MAPRE2: variants seen among roughly 807,000 people sequenced by gnomAD.
MAPRE2 encodes microtubule-associated protein RP/EB family member 2.
In MAPRE2, 13 loss-of-function variants were observed where a neutral mutation model predicts 43.2. The ratio of observed to expected loss-of-function variants is 0.30; its 90% CI spans 0.20 to 0.48. The LOEUF (loss-of-function observed/expected upper bound fraction) is 0.48, where lower values mean the gene tolerates loss of function less well. MAPRE2 is among the 20% of genes least tolerant of loss of function. The pLI, the probability that MAPRE2 is intolerant of heterozygous loss-of-function variation, is 0.99. For synonymous variants in MAPRE2, 135 were observed against 148.8 expected (o/e 0.91, Z 0.68); for missense variants, 161 against 400.2 (o/e 0.40, Z 5.10).
At chr18:35,100,915 T>G (rs976900212) in intron 3 of MAPRE2, among the ~76,000 whole-genome samples, 1 of 152,156 alleles carries the variant, frequency 6.6e-6, no homozygotes, top group African/African-American at 2.4e-5. Context: ...GGTGCATGCC[T>G]GTAATCCCAG....
intron 1 of MAPRE2, among the ~76,000 whole-genome samples, chr18:34,998,962 C>G (rs2097027991): frequency 6.6e-6 from 1 of 151,944 alleles, no homozygotes; most frequent in African/African-American, 2.4e-5. Flanking sequence ...CACATGTAAC[C>G]CTTAGTATGT....
intron 1 of MAPRE2, among the ~76,000 whole-genome samples, chr18:34,995,600 CA>C (rs1446254468): frequency 1.3e-5 from 2 of 152,038 alleles, no homozygotes; most frequent in Non-Finnish European, 2.9e-5. Context: ...AGTATGTTAC[CA>C]CTGGGGGCTA....
chr18:35,133,641 T>A (rs1603404440), intron 6 of MAPRE2, among the ~76,000 whole-genome samples: 1 of 152,340 alleles, frequency 6.6e-6, no homozygotes, highest in East Asian at 1.9e-4. Context: ...GGATCAAATC[T>A]TCTTCCCAGC....
intron 6 of MAPRE2, among the ~76,000 whole-genome samples, chr18:35,134,164 A>C (rs905888875): frequency 1.3e-5 from 2 of 152,194 alleles, no homozygotes; most frequent in Non-Finnish European, 2.9e-5. Context: ...TTAGGTAGCT[A>C]TTGTCATCCC....
chr18:35,023,371 G>A (rs767424314), intron 2 of MAPRE2, among the ~76,000 whole-genome samples: 31 of 151,842 alleles, frequency 2.0e-4, no homozygotes, highest in Non-Finnish European at 3.8e-4. Flanking sequence ...ATTTAGCCAG[G>A]TGTGGTGGCA....
chr18:35,002,405 T>C (rs2097029802), intron 1 of MAPRE2, among the ~76,000 whole-genome samples: 1 of 152,164 alleles, frequency 6.6e-6, no homozygotes, highest in Non-Finnish European at 1.5e-5. Context: ...ATAAACAAAT[T>C]TTCATTTCTC....
At chr18:34,997,586 C>T (rs558984754) in intron 1 of MAPRE2, among the ~76,000 whole-genome samples, 69 of 152,260 alleles carry the variant, frequency 4.5e-4, no homozygotes, top group Non-Finnish European at 2.9e-4. Context: ...GAGGCTGAGG[C>T]GGGCGGATCC....
At chr18:35,061,151 A>G (rs910415710) in intron 1 of MAPRE2, among the ~76,000 whole-genome samples, 6 of 152,228 alleles carry the variant, frequency 3.9e-5, no homozygotes, top group African/African-American at 1.4e-4. Flanking sequence ...TATCATTAAG[A>G]AGTGACTGAT....
At chr18:35,041,888 G>C in intron 1 of MAPRE2, 3 of 1,035,398 alleles carry the variant, frequency 2.9e-6, no homozygotes, top group African/African-American at 3.2e-5. Flanking sequence ...TGCTGCCTTC[G>C]AGGGGTCTCC....
At chr18:35,035,578 A>T (rs1464659921) in intron 2 of MAPRE2, among the ~76,000 whole-genome samples, 1 of 151,898 alleles carries the variant, frequency 6.6e-6, no homozygotes, top group African/African-American at 2.4e-5. Context: ...TTCAGTAGTT[A>T]TTGATGTGTC....
At chr18:35,072,702 T>C (rs948826463) in intron 2 of MAPRE2, among the ~76,000 whole-genome samples, 14 of 152,356 alleles carry the variant, frequency 9.2e-5, no homozygotes, top group African/African-American at 3.4e-4. Context: ...GATTCATATA[T>C]GGTGATCTTA....
intron 2 of MAPRE2, among the ~76,000 whole-genome samples, chr18:35,072,231 C>T (rs1411658148): frequency 1.3e-5 from 2 of 152,326 alleles, no homozygotes; most frequent in South Asian, 2.1e-4. Context: ...ATAACACATA[C>T]CCCTTTGTAT....
intron 1 of MAPRE2, among the ~76,000 whole-genome samples, chr18:35,069,397 A>G (rs551140568): frequency 2.3e-4 from 35 of 151,220 alleles, no homozygotes; most frequent in African/African-American, 7.8e-4. Context: ...TTTAAAAATT[A>G]TTTTTCAGAG....
chr18:35,127,369 G>T, intron 5 of MAPRE2: 4 of 343,696 alleles, frequency 1.2e-5, no homozygotes, highest in South Asian at 1.1e-4. Flanking sequence ...CCTCAGGGCC[G>T]TCAAGAGCTC....
chr18:34,985,010 TTA>T (rs1275579013), intron 1 of MAPRE2, among the ~76,000 whole-genome samples: 1 of 60,532 alleles, frequency 1.7e-5, no homozygotes, highest in African/African-American at 6.7e-5. Context: ...ATAATATATT[TTA>T]TGTTATATAA....
At position 35,141,865 on chromosome 18, in the gene MAPRE2, T is replaced by C. The variant is rs896560519; in HGVS notation, c.*1496T>C. The stretch of plus-strand genomic sequence containing the variant: ...TTCTGAATTATGTATCCTGAAGCTT[T>C]GAAATTTCTTTATTAATCGATGAAA... On this transcript the variant is annotated 3_prime_UTR_variant, in exon 7 of 7. Coordinates refer to ENST00000300249, the MANE Select transcript of MAPRE2 (RefSeq NM_014268.4). 1 of 152,242 alleles carries C rather than the reference T, an allele frequency of 6.6e-6. No homozygotes were observed. The highest frequency in any genetic ancestry group is 1.5e-5 in the Non-Finnish European group (1 of 68,048). The allele number at this position is 152,242 out of a possible 1,614,324, so 9.4% of individuals were successfully genotyped here.
Position 35,077,240 on chromosome 18 carries a change from T to C in MAPRE2, c.250+6918T>C, listed in dbSNP as rs28621987. On this transcript the variant is annotated intron_variant, in intron 2 of 6. Coordinates refer to ENST00000300249, the MANE Select transcript of MAPRE2 (RefSeq NM_014268.4). The stretch of plus-strand genomic sequence containing the variant: ...TCTCTCTCTCACAGATACGCGCGCG[T>C]GCGCGCGCGCACACACACACACACA... Among the ~76,000 whole-genome samples, 6 of 146,852 alleles carry C rather than the reference T, an allele frequency of 4.1e-5. No individual in the cohort carries two copies. In the East Asian group the frequency reaches 6.1e-4, roughly 15 times the overall value.
At chr18:35,012,998 A>G (rs1328878372) in intron 2 of MAPRE2, among the ~76,000 whole-genome samples, 1 of 152,232 alleles carries the variant, frequency 6.6e-6, no homozygotes, top group Admixed American at 6.5e-5. Flanking sequence ...CATGGAAGCC[A>G]AGGGAAAATA....
intron 2 of MAPRE2, among the ~76,000 whole-genome samples, chr18:35,018,832 A>T (rs568422055): frequency 1.3e-4 from 19 of 151,864 alleles, no homozygotes; most frequent in Admixed American, 1.2e-3. Flanking sequence ...CAGTTCTGCT[A>T]GATTTTAATT....
Sources: gnomAD v4.1 joint callset for allele counts (sites outside exome capture counted in the v4.1 genomes callset) on GRCh38, gnomAD v4.1.1 for gene constraint, MANE v1.5 for transcripts, NCBI Gene and HGNC (gene_info 2026-07-23, HGNC 2026-07-21) for gene names.